Variants in CCSER1 observed in about 807,000 individuals in gnomAD.
CCSER1 encodes serine-rich coiled-coil domain-containing protein 1.
Under a neutral mutation model 82.0 loss-of-function variants are expected in CCSER1, and 41 were observed. The ratio of observed to expected loss-of-function variants is 0.50; its 90% CI spans 0.39 to 0.65. CCSER1 has a LOEUF of 0.65. CCSER1 is among the 30% of genes least tolerant of loss of function. The pLI is 0.00. For missense variants in CCSER1, 1,119 were observed against 1,064.2 expected, an observed-to-expected ratio of 1.05 and a Z score of -0.72; for synonymous variants, 414 against 383.9, an observed-to-expected ratio of 1.08 and a Z score of -0.92.
chr4:91,006,249 C>T (rs1320414575), intron 9 of CCSER1, among the ~76,000 whole-genome samples: 1 of 151,514 alleles, frequency 6.6e-6, no homozygotes, highest in East Asian at 1.9e-4. Flanking sequence ...AAATTTATTC[C>T]TGGCGATATT....
intron 3 of CCSER1, among the ~76,000 whole-genome samples, chr4:90,397,446 A>C (rs1752133932): frequency 6.6e-6 from 1 of 152,246 alleles, no homozygotes. Flanking sequence ...GAATTCAAAA[A>C]AGGATTGAAC....
intron 10 of CCSER1, among the ~76,000 whole-genome samples, chr4:91,269,185 G>A (rs1208434852): frequency 1.3e-5 from 2 of 152,186 alleles, no homozygotes; most frequent in African/African-American, 4.8e-5. Context: ...GCAGGTCTAT[G>A]CTCCAAAAGG....
At chr4:91,430,972 C>T (rs1754264067) in intron 10 of CCSER1, among the ~76,000 whole-genome samples, 1 of 152,062 alleles carries the variant, frequency 6.6e-6, no homozygotes, top group South Asian at 2.1e-4. Flanking sequence ...CGTGGTGGCT[C>T]ACGCCTGTAA....
At chr4:90,818,861 A>T (rs1759374051) in intron 8 of CCSER1, among the ~76,000 whole-genome samples, 1 of 152,164 alleles carries the variant, frequency 6.6e-6, no homozygotes, top group Non-Finnish European at 1.5e-5. Context: ...AAAAACATCT[A>T]TTTATAGATA....
intron 1 of CCSER1, among the ~76,000 whole-genome samples, chr4:90,179,202 G>T (rs937075081): frequency 6.6e-6 from 1 of 151,932 alleles, no homozygotes; most frequent in Non-Finnish European, 1.5e-5. Context: ...ATAATTGAGT[G>T]AAAGCTCTTG....
At chr4:91,274,957 A>G (rs939907594) in intron 10 of CCSER1, among the ~76,000 whole-genome samples, 7 of 151,952 alleles carry the variant, frequency 4.6e-5, no homozygotes, top group African/African-American at 1.7e-4. Flanking sequence ...TACAAAAAAA[A>G]TAGCTGGGAG....
chr4:91,052,776 A>G (rs536838112), intron 9 of CCSER1, among the ~76,000 whole-genome samples: 1 of 152,242 alleles, frequency 6.6e-6, no homozygotes, highest in South Asian at 2.1e-4. Context: ...CCATATTTTG[A>G]TGTAATGGAT....
rs531029981 is a variant in CCSER1, at chr4:91,310,656, C to T, written c.2217+224662C>T. On this transcript the variant is annotated intron_variant, in intron 10 of 10. Transcript: ENST00000509176. Reference sequence around the variant, plus strand: ...TTCTCTACCAAAATGGAGATAAATTCGCTAAGGGTACATGTTCTTTTGACT... The same window carrying T: ...TTCTCTACCAAAATGGAGATAAATTTGCTAAGGGTACATGTTCTTTTGACT... Among the ~76,000 whole-genome samples the T allele has an allele frequency of 1.5e-4, 23 of 151,958 alleles. No individual in the cohort carries two copies. The South Asian group carries it at 4.8e-3, about 32-fold the overall frequency.
intron 10 of CCSER1, among the ~76,000 whole-genome samples, chr4:91,194,572 T>G (rs913577350): frequency 6.6e-6 from 1 of 152,170 alleles, no homozygotes; most frequent in African/African-American, 2.4e-5. Flanking sequence ...GTCATAGCAT[T>G]GCTCCACAGT....
chr4:91,185,756 C>T (rs1734477306), intron 10 of CCSER1, among the ~76,000 whole-genome samples: 1 of 152,198 alleles, frequency 6.6e-6, no homozygotes, highest in Non-Finnish European at 1.5e-5. Flanking sequence ...TATCTGGCGG[C>T]CTGACTCTCT....
intron 7 of CCSER1, among the ~76,000 whole-genome samples, chr4:90,763,358 C>A (rs1256723831): frequency 6.6e-6 from 1 of 151,954 alleles, no homozygotes; most frequent in African/African-American, 2.4e-5. Flanking sequence ...GTGCTTCCTG[C>A]AGATTCCACT....
intron 10 of CCSER1, among the ~76,000 whole-genome samples, chr4:91,513,329 A>G (rs1235187670): frequency 1.3e-5 from 2 of 152,156 alleles, no homozygotes; most frequent in Non-Finnish European, 2.9e-5. Flanking sequence ...ATCATGGTGA[A>G]TTAACTTTTT....
intron 6 of CCSER1, among the ~76,000 whole-genome samples, chr4:90,692,000 T>G (rs1419508036): frequency 8.8e-5 from 13 of 148,030 alleles, no homozygotes; most frequent in Non-Finnish European, 1.5e-4. Flanking sequence ...TTTTTAAAAT[T>G]TTGCAATTAA....
intron 3 of CCSER1, among the ~76,000 whole-genome samples, chr4:90,366,587 GA>G (rs891882580): frequency 6.6e-6 from 1 of 151,300 alleles, no homozygotes; most frequent in Non-Finnish European, 1.5e-5. Flanking sequence ...ACTCAAAAGG[GA>G]AAAAAAATCC....
intron 4 of CCSER1, among the ~76,000 whole-genome samples, chr4:90,410,031 A>G (rs912276743): frequency 5.9e-5 from 9 of 152,208 alleles, no homozygotes; most frequent in African/African-American, 2.2e-4. Flanking sequence ...AAAGGGACAA[A>G]GAAGGCCATT....
At chr4:90,152,757 C>A (rs1727102972) in intron 1 of CCSER1, among the ~76,000 whole-genome samples, 1 of 151,854 alleles carries the variant, frequency 6.6e-6, no homozygotes, top group African/African-American at 2.4e-5. Context: ...ACCTTGAAAG[C>A]TAGGCAGTGA....
intron 10 of CCSER1, among the ~76,000 whole-genome samples, chr4:91,595,058 A>C (rs1381949204): frequency 6.6e-6 from 1 of 151,718 alleles, no homozygotes; most frequent in Non-Finnish European, 1.5e-5. Context: ...TAAAAAAAAA[A>C]AGCAAAACCA....
intron 9 of CCSER1, 87 bp downstream of exon 9, chr4:90,923,534 T>C (rs750974039): frequency 6.9e-6 from 6 of 874,688 alleles, no homozygotes; most frequent in Non-Finnish European, 1.1e-5. Context: ...GCTGTGTCCA[T>C]GCATTGATTT....
At chr4:91,440,525 C>G (rs1755047424) in intron 10 of CCSER1, among the ~76,000 whole-genome samples, 1 of 152,126 alleles carries the variant, frequency 6.6e-6, no homozygotes, top group Admixed American at 6.5e-5. Context: ...CAGGAAATAT[C>G]TAAAATCGAC....
Sources: allele counts gnomAD v4.1 joint callset (sites outside exome capture counted in the v4.1 genomes callset), GRCh38; gene constraint gnomAD v4.1.1; transcripts MANE v1.5; gene names NCBI Gene and HGNC (gene_info 2026-07-23, HGNC 2026-07-21).